Variants in MS4A8 observed in about 807,000 individuals in gnomAD.
MS4A8 encodes membrane spanning 4-domains A8.
Under a neutral mutation model 23.7 loss-of-function variants are expected in MS4A8, and 27 were observed. The ratio of observed to expected loss-of-function variants is 1.14; its 90% CI spans 0.84 to 1.57. The LOEUF (loss-of-function observed/expected upper bound fraction) is 1.57, where lower values mean the gene tolerates loss of function less well. MS4A8 is among the 40% of genes most tolerant of loss of function. The pLI, the probability that MS4A8 is intolerant of heterozygous loss-of-function variation, is 0.00. For synonymous variants in MS4A8, 138 were observed against 126.3 expected (o/e 1.09, Z -0.62); for missense variants, 301 against 311.4 (o/e 0.97, Z 0.25).
intron 4 of MS4A8, among the ~76,000 whole-genome samples, chr11:60,707,834 T>TTTTTTTTTTTTC (rs2088269875): frequency 9.8e-6 from 1 of 101,906 alleles, no homozygotes; most frequent in African/African-American, 3.6e-5. Flanking sequence ...TTTTTTTTTT[T>TTTTTTTTTTTTC]TGTGTGTGTG....
chr11:60,711,848 T>C, intron 5 of MS4A8: 1 of 456,224 alleles, frequency 2.2e-6, no homozygotes. Context: ...ATGATTGATC[T>C]TGGAATGAGA....
intron 3 of MS4A8, among the ~76,000 whole-genome samples, chr11:60,706,272 CA>C (rs2088255114): frequency 1.3e-5 from 2 of 152,178 alleles, no homozygotes; most frequent in Admixed American, 6.5e-5. Context: ...CTTGCTAGCC[CA>C]CTGGGCAAAT....
At position 60,715,652 on chromosome 11, in the gene MS4A8, C is replaced by T. The variant is rs994013331; in HGVS notation, c.*238C>T. 1 of 514,368 alleles carries T rather than the reference C, an allele frequency of 1.9e-6. No homozygotes were observed. The highest frequency in any genetic ancestry group is 3.5e-6 in the Non-Finnish European group (1 of 285,668). 31.9% of individuals were successfully genotyped at this position (514,368 alleles called of 1,614,324 possible). ...GAGGGACTCCCTAGGGCACATGCATCAGCACATATGTGGGCATCCAGCCTC... is the reference window on the plus strand; with the variant it reads ...GAGGGACTCCCTAGGGCACATGCATTAGCACATATGTGGGCATCCAGCCTC... On this transcript the variant is annotated 3_prime_UTR_variant, in exon 7 of 7. Transcript: ENST00000300226.
intron 5 of MS4A8, among the ~76,000 whole-genome samples, chr11:60,710,169 T>C (rs2088288623): frequency 6.6e-6 from 1 of 152,242 alleles, no homozygotes; most frequent in Admixed American, 6.5e-5. Flanking sequence ...TCTCTGGTTT[T>C]CTTTCTGTAC....
intron 2 of MS4A8, among the ~76,000 whole-genome samples, chr11:60,702,035 G>T (rs1447354789): frequency 6.6e-6 from 1 of 152,170 alleles, no homozygotes; most frequent in Non-Finnish European, 1.5e-5. Context: ...ATTTAAGGAA[G>T]TAATATATTT....
chr11:60,700,878 A>G lies in MS4A8; in HGVS notation c.18A>G (p.Ser6=), dbSNP rs141281628. The change falls in exon 2 of 7, where the codon TCA becomes TCG. Residue 6 remains serine (S), a synonymous_variant. Transcript: ENST00000300226. MNSMT[S]AVPVANSVLV... ...TTGGCAGCATGAATTCGATGACTTCAGCAGTTCCGGTGGCCAATTCTGTGT... is the reference window on the plus strand; with the variant it reads ...TTGGCAGCATGAATTCGATGACTTCGGCAGTTCCGGTGGCCAATTCTGTGT... 6.2e-7 allele frequency: 1 copy of G among 1,614,098 alleles called. No individual in the cohort carries two copies. Among genetic ancestry groups the G allele is most frequent in the African/African-American group, 1.3e-5 (1 of 74,936 alleles).
At chr11:60,703,858 C>G (rs1186314475) in intron 3 of MS4A8, among the ~76,000 whole-genome samples, 1 of 152,188 alleles carries the variant, frequency 6.6e-6, no homozygotes, top group Non-Finnish European at 1.5e-5. Flanking sequence ...TTCCTCCATG[C>G]CTGTGCCCTA....
intron 3 of MS4A8, among the ~76,000 whole-genome samples, chr11:60,706,510 C>T (rs1177580400): frequency 6.6e-6 from 1 of 152,170 alleles, no homozygotes; most frequent in African/African-American, 2.4e-5. Flanking sequence ...TCCTTCTCCC[C>T]TCCAGAGCCC....
intron 4 of MS4A8, among the ~76,000 whole-genome samples, chr11:60,707,706 T>A (rs1565052583): frequency 6.6e-6 from 1 of 152,160 alleles, no homozygotes; most frequent in Non-Finnish European, 1.5e-5. Context: ...TCATGGAGCA[T>A]CTGAGCTTAT....
At chr11:60,707,613 C>T (rs2088267531) in intron 4 of MS4A8, among the ~76,000 whole-genome samples, 2 of 152,100 alleles carry the variant, frequency 1.3e-5, no homozygotes, top group African/African-American at 4.8e-5. Context: ...GACCAGGTCC[C>T]TACAACCAGA....
intron 3 of MS4A8, among the ~76,000 whole-genome samples, chr11:60,704,847 CACATACAAACAA>C (rs2088240836): frequency 4.9e-5 from 2 of 41,184 alleles, no homozygotes; most frequent in Non-Finnish European, 7.1e-5. Flanking sequence ...TACACACACA[CACATACAAACAA>C]ACACACATAC....
chr11:60,714,015 C>G (rs1440360117), intron 5 of MS4A8, among the ~76,000 whole-genome samples: 2 of 145,466 alleles, frequency 1.4e-5, no homozygotes, highest in Non-Finnish European at 3.0e-5. Flanking sequence ...AGCTCCACTT[C>G]CCGGGTTCAT....
chr11:60,705,725 C>T (rs1477501896), intron 3 of MS4A8, among the ~76,000 whole-genome samples: 1 of 152,218 alleles, frequency 6.6e-6, no homozygotes, highest in Admixed American at 6.5e-5. Context: ...TAACTATGTC[C>T]ACTCTATGGC....
chr11:60,711,912 G>A, intron 5 of MS4A8: 1 of 454,888 alleles, frequency 2.2e-6, no homozygotes, highest in South Asian at 1.6e-5. Context: ...CATCCCATCT[G>A]AACATGGAGG....
chr11:60,708,967 G>A lies in MS4A8; in HGVS notation c.534+186G>A. 3 of 610,056 alleles carry A rather than the reference G, an allele frequency of 4.9e-6. No individual in the cohort carries two copies. In the South Asian group the frequency reaches 5.9e-5, roughly 12 times the overall value. 37.8% of individuals were successfully genotyped at this position (610,056 alleles called of 1,614,324 possible). ...TTAAGCACATGACCTTTCCCAGTTT[G>A]GGTTTCTGCCTTTGTAGAACAATAC... On this transcript the variant is annotated intron_variant, in intron 5 of 6. Coordinates refer to ENST00000300226, the MANE Select transcript of MS4A8 (RefSeq NM_031457.2).
chr11:60,706,527 C>G (rs1030676634), intron 3 of MS4A8, among the ~76,000 whole-genome samples: 3 of 152,150 alleles, frequency 2.0e-5, no homozygotes, highest in Admixed American at 2.0e-4. Flanking sequence ...GCCCCCAAAC[C>G]TAACTGAATC....
intron 5 of MS4A8, chr11:60,711,830 T>C (rs1465555719): frequency 2.2e-6 from 1 of 456,188 alleles, no homozygotes; most frequent in Non-Finnish European, 4.4e-6. Flanking sequence ...TTAATCTTAG[T>C]TCTGCCAATG....
At chr11:60,712,604 G>A in intron 5 of MS4A8, 5 of 527,520 alleles carry the variant, frequency 9.5e-6, no homozygotes, top group South Asian at 8.2e-5. Context: ...GACCAGCCTG[G>A]GCAACATGGC....
chr11:60,708,739 C>G lies in MS4A8; in HGVS notation c.492C>G (p.His164Gln), dbSNP rs182001591. The change falls in exon 5 of 7, where the codon CAC becomes CAG. Residue 164 changes from histidine (H) to glutamine (Q), a missense_variant. Physicochemically the swap from His to Gln is conservative, Grantham distance 24. Transcript: ENST00000300226. The part of the protein sequence containing the change: ...ILFITDLSIP[H>Q]PYAYPDYYPY... ...TCATCACAGATCTAAGTATTCCCCA[C>G]CCATATGCCTACCCCGACTATTATC... 6.8e-6 allele frequency: 11 copies of G among 1,613,730 alleles called. No individual in the cohort carries two copies. In the African/African-American group the frequency reaches 1.5e-4, roughly 22 times the overall value.
Sources: gnomAD v4.1 joint callset for allele counts (sites outside exome capture counted in the v4.1 genomes callset) on GRCh38, gnomAD v4.1.1 for gene constraint, MANE v1.5 for transcripts, NCBI Gene and HGNC (gene_info 2026-07-23, HGNC 2026-07-21) for gene names.